Variants in ST6GALNAC3 observed in about 807,000 individuals in gnomAD.
The protein encoded by ST6GALNAC3 is alpha-N-acetylgalactosaminide alpha-2,6-sialyltransferase 3.
Under a neutral mutation model 32.7 loss-of-function variants are expected in ST6GALNAC3, and 25 were observed. The observed-to-expected ratio is 0.76, with a 90% confidence interval of 0.56 to 1.07. ST6GALNAC3 has a LOEUF of 1.07. Ranked by LOEUF, ST6GALNAC3 falls within the 50% of genes least tolerant of loss-of-function variation. The probability of loss-of-function intolerance (pLI) is 0.00; values close to 1 mark genes in which losing one functional copy is unlikely to be tolerated. For missense variants in ST6GALNAC3, 355 were observed against 382.4 expected (o/e 0.93, Z 0.60); for synonymous variants, 129 against 133.1 (o/e 0.97, Z 0.21).
intron 2 of ST6GALNAC3, among the ~76,000 whole-genome samples, chr1:76,406,045 T>A (rs1176913814): frequency 1.3e-5 from 2 of 152,000 alleles, no homozygotes; most frequent in Non-Finnish European, 2.9e-5. Context: ...AATTCATTTG[T>A]ATGCCTCTCA....
chr1:76,402,669 T>G (rs977385570), intron 2 of ST6GALNAC3, among the ~76,000 whole-genome samples: 1 of 152,172 alleles, frequency 6.6e-6, no homozygotes, highest in African/African-American at 2.4e-5. Flanking sequence ...CTCAAAATAT[T>G]CTTTTTCAAA....
At chr1:76,193,552 A>G (rs959034955) in intron 1 of ST6GALNAC3, among the ~76,000 whole-genome samples, 1 of 152,118 alleles carries the variant, frequency 6.6e-6, no homozygotes, top group Non-Finnish European at 1.5e-5. Flanking sequence ...ATGATGGCAA[A>G]AGCCTTGGTA....
At chr1:76,271,783 T>G (rs1273371547) in intron 1 of ST6GALNAC3, among the ~76,000 whole-genome samples, 3 of 152,160 alleles carry the variant, frequency 2.0e-5, no homozygotes, top group Admixed American at 2.0e-4. Flanking sequence ...AGGAACCCAT[T>G]GCAAAAGTCC....
At chr1:76,479,047 C>A (rs115910089) in intron 3 of ST6GALNAC3, among the ~76,000 whole-genome samples, 27 of 152,098 alleles carry the variant, frequency 1.8e-4, no homozygotes, top group Non-Finnish European at 3.8e-4. Context: ...ACAGGCGTAA[C>A]CCACCATGCT....
intron 3 of ST6GALNAC3, chr1:76,577,169 T>C: frequency 5.8e-6 from 6 of 1,032,494 alleles, no homozygotes; most frequent in Non-Finnish European, 7.0e-6. Flanking sequence ...TCAGTTTTTG[T>C]TTTATTCAAT....
At chr1:76,303,580 G>A (rs1032445522) in intron 1 of ST6GALNAC3, among the ~76,000 whole-genome samples, 3 of 152,012 alleles carry the variant, frequency 2.0e-5, no homozygotes, top group African/African-American at 7.2e-5. Context: ...TACATAGTGA[G>A]CTGTTGCAAG....
At chr1:76,436,358 G>A (rs1418375646) in intron 3 of ST6GALNAC3, among the ~76,000 whole-genome samples, 1 of 152,094 alleles carries the variant, frequency 6.6e-6, no homozygotes, top group Non-Finnish European at 1.5e-5. Flanking sequence ...TCATTAAGGT[G>A]TTAGGTTGTG....
intron 3 of ST6GALNAC3, among the ~76,000 whole-genome samples, chr1:76,476,686 T>A (rs1659374631): frequency 6.6e-6 from 1 of 152,158 alleles, no homozygotes; most frequent in African/African-American, 2.4e-5. Context: ...TTTTTTCTCT[T>A]CCTCAGAGGA....
At chr1:76,285,166 T>C (rs1659706255) in intron 1 of ST6GALNAC3, among the ~76,000 whole-genome samples, 2 of 152,224 alleles carry the variant, frequency 1.3e-5, no homozygotes, top group South Asian at 4.1e-4. Context: ...GAACACACTC[T>C]TAATTTATTT....
chr1:76,091,271 G>A (rs1276953521), intron 1 of ST6GALNAC3, among the ~76,000 whole-genome samples: 1 of 152,248 alleles, frequency 6.6e-6, no homozygotes, highest in South Asian at 2.1e-4. Context: ...AGCTATTAAT[G>A]TAGGTGTTGA....
Position 76,550,563 on chromosome 1 carries a change from A to G in ST6GALNAC3, c.624-76889A>G, listed in dbSNP as rs149803502. 5.2e-3 allele frequency among the ~76,000 whole-genome samples: 792 copies of G among 152,198 alleles called. 9 individuals carry two copies. The highest frequency in any genetic ancestry group is 0.018 in the African/African-American group (758 of 41,520). On this transcript the variant is annotated intron_variant, in intron 3 of 4. Transcript: ENST00000328299. ...CCTGTAGCTTTAGAGATATTATTGC[A>G]TAGGGTTAGGTGTAGGGGCTTAGTA...
At chr1:76,287,700 T>G (rs1221595073) in intron 1 of ST6GALNAC3, among the ~76,000 whole-genome samples, 2 of 152,222 alleles carry the variant, frequency 1.3e-5, no homozygotes, top group Non-Finnish European at 2.9e-5. Flanking sequence ...ATGTGCACAC[T>G]GATACCCCAG....
Position 76,593,005 on chromosome 1 carries a change from TTTTG to T in ST6GALNAC3, c.624-34443_624-34440del, listed in dbSNP as rs1193216648. 2.0e-5 allele frequency among the ~76,000 whole-genome samples: 3 copies of T among 152,318 alleles called. No individual in the cohort carries two copies. The South Asian group carries it at 6.2e-4, about 32-fold the overall frequency. ...AATACTCATTTTGTCCTCCTTTTTTTTTTGTTTAATGTATATGCACTCACAGTTG... is the reference window on the plus strand; with the variant it reads ...AATACTCATTTTGTCCTCCTTTTTTTTTTAATGTATATGCACTCACAGTTG... On this transcript the variant is annotated intron_variant, in intron 3 of 4. Coordinates refer to ENST00000328299, the MANE Select transcript of ST6GALNAC3 (RefSeq NM_152996.4).
In ST6GALNAC3 at chr1:76,630,250, T is replaced by C; in HGVS notation, c.*1444T>C. On this transcript the variant is annotated 3_prime_UTR_variant, in exon 5 of 5. Transcript: ENST00000328299. ...TTATATCAGGATTACACAAAAAGTA[T>C]CACAAAGGATGGTCTTGGCCATATG... is the stretch of plus-strand genomic sequence containing the variant. 1.0e-6 allele frequency: 1 copy of C among 985,234 alleles called. No homozygotes were observed. Among genetic ancestry groups the C allele is most frequent in the Non-Finnish European group, 1.2e-6 (1 of 829,846 alleles). 61.0% of individuals were successfully genotyped at this position (985,234 alleles called of 1,614,324 possible).
chr1:76,235,660 G>A (rs1656610165), intron 1 of ST6GALNAC3, among the ~76,000 whole-genome samples: 2 of 150,394 alleles, frequency 1.3e-5, no homozygotes, highest in Admixed American at 1.3e-4. Flanking sequence ...GGGAATCATA[G>A]GAATACCCAC....
chr1:76,115,397 T>C (rs1203386138), intron 1 of ST6GALNAC3, among the ~76,000 whole-genome samples: 2 of 152,290 alleles, frequency 1.3e-5, no homozygotes, highest in Non-Finnish European at 1.5e-5. Context: ...GGGAAAGAAT[T>C]TAAATTTACT....
chr1:76,364,076 T>C, intron 2 of ST6GALNAC3, among the ~76,000 whole-genome samples: 1 of 152,170 alleles, frequency 6.6e-6, no homozygotes, highest in African/African-American at 2.4e-5. Flanking sequence ...TGGTACCAAA[T>C]ATTTTTAGAC....
chr1:76,612,813 A>C (rs1294127010), intron 3 of ST6GALNAC3, among the ~76,000 whole-genome samples: 1 of 152,220 alleles, frequency 6.6e-6, no homozygotes, highest in Non-Finnish European at 1.5e-5. Context: ...AGGGCTACTT[A>C]AAGAAGTGGC....
chr1:76,401,057 G>A (rs79944340), intron 2 of ST6GALNAC3, among the ~76,000 whole-genome samples: 13,701 of 152,042 alleles, frequency 0.09, 774 homozygotes, highest in Middle Eastern at 0.22. Flanking sequence ...TATTTTACTT[G>A]AGAGTAATTG....
Sources: allele counts gnomAD v4.1 joint callset (sites outside exome capture counted in the v4.1 genomes callset), GRCh38; gene constraint gnomAD v4.1.1; transcripts MANE v1.5; gene names NCBI Gene and HGNC (gene_info 2026-07-23, HGNC 2026-07-21).